Variants in NALCN observed in about 807,000 individuals in gnomAD.
NALCN encodes sodium leak channel, non-selective.
In NALCN, 111 loss-of-function variants were observed where a neutral mutation model predicts 225.3. The ratio of observed to expected loss-of-function variants is 0.49; its 90% CI spans 0.42 to 0.58. The LOEUF is 0.58. NALCN is among the 20% of genes least tolerant of loss of function. The probability of loss-of-function intolerance (pLI) is 0.00; values close to 1 mark genes in which losing one functional copy is unlikely to be tolerated. For missense variants in NALCN, 1,378 were observed against 2,202.4 expected, an observed-to-expected ratio of 0.63 and a Z score of 7.49; for synonymous variants, 764 against 769.0, an observed-to-expected ratio of 0.99 and a Z score of 0.11.
At chr13:101,186,850 G>A (rs974348477) in intron 14 of NALCN, among the ~76,000 whole-genome samples, 2 of 152,066 alleles carry the variant, frequency 1.3e-5, no homozygotes, top group Non-Finnish European at 2.9e-5. Flanking sequence ...AGACTTAAAG[G>A]TGAAAAGCAA....
At chr13:101,289,074 G>C (rs1387146751) in intron 9 of NALCN, among the ~76,000 whole-genome samples, 2 of 152,162 alleles carry the variant, frequency 1.3e-5, no homozygotes, top group African/African-American at 2.4e-5. Context: ...TTGTGGCCTG[G>C]GTAACCCTAT....
In NALCN at chr13:101,068,830, T is replaced by C; in HGVS notation, c.4198-3A>G. Reference sequence around the variant, plus strand: ...GGAGTACAAAACGGAGGCTGAACCTTTGGGGCATTGGGGTGGAAGAAGGAG... The same window carrying C: ...GGAGTACAAAACGGAGGCTGAACCTCTGGGGCATTGGGGTGGAAGAAGGAG... On this transcript the variant is annotated splice_region_variant and splice_polypyrimidine_tract_variant and intron_variant, in intron 37 of 43. Transcript: ENST00000251127. The C allele has an allele frequency of 6.2e-7, 1 of 1,600,776 alleles. No individual in the cohort carries two copies. Among genetic ancestry groups the C allele is most frequent in the Non-Finnish European group, 8.5e-7 (1 of 1,175,052 alleles).
intron 15 of NALCN, among the ~76,000 whole-genome samples, chr13:101,151,758 T>C (rs2037662354): frequency 1.3e-5 from 2 of 152,254 alleles, no homozygotes; most frequent in African/African-American, 2.4e-5. Flanking sequence ...AATTTGTATA[T>C]GTGATTTTAC....
At chr13:101,172,633 C>T (rs1354055947) in intron 15 of NALCN, among the ~76,000 whole-genome samples, 2 of 152,156 alleles carry the variant, frequency 1.3e-5, no homozygotes, top group Non-Finnish European at 2.9e-5. Context: ...CATCTTGGCT[C>T]ACTGCAAGCT....
At chr13:101,216,282 C>T (rs1470363039) in intron 13 of NALCN, among the ~76,000 whole-genome samples, 1 of 151,878 alleles carries the variant, frequency 6.6e-6, no homozygotes, top group East Asian at 1.9e-4. Flanking sequence ...CAGAATGAGA[C>T]CATATAAGGC....
chr13:101,076,370 C>A (rs998298496), intron 34 of NALCN, among the ~76,000 whole-genome samples: 16 of 152,174 alleles, frequency 1.1e-4, no homozygotes, highest in African/African-American at 3.9e-4. Context: ...GAAGAACAAA[C>A]ATACACTCAT....
chr13:101,410,571 A>C (rs1181674952), intron 1 of NALCN, among the ~76,000 whole-genome samples: 1 of 152,224 alleles, frequency 6.6e-6, no homozygotes, highest in Non-Finnish European at 1.5e-5. Flanking sequence ...AGGATAACTA[A>C]GATATTTGAG....
intron 12 of NALCN, among the ~76,000 whole-genome samples, chr13:101,236,036 A>G (rs1415951097): frequency 6.6e-6 from 1 of 152,218 alleles, no homozygotes; most frequent in East Asian, 1.9e-4. Context: ...AATATTTAAC[A>G]ATATCTATTT....
At chr13:101,222,784 CG>C (rs1252633493) in intron 13 of NALCN, among the ~76,000 whole-genome samples, 1 of 152,126 alleles carries the variant, frequency 6.6e-6, no homozygotes, top group East Asian at 1.9e-4. Context: ...TTGGAGGGAG[CG>C]GGGCTATCTC....
Position 101,065,499 on chromosome 13 carries a change from C to G in NALCN, c.4509G>C (p.Val1503=). ...ACAGGAGCTTGTCCTTGTCCAGGTC[C>G]ACCTCCAGCCTCCCACGCAGTAGCC... The part of the protein sequence containing the change: ...LLRLLRGRLE[V]DLDKDKLLFK... Residue 1503 remains valine (V), a synonymous_variant, in exon 40 of 44, where the codon GTG becomes GTC. Transcript: ENST00000251127. 6.2e-7 allele frequency: 1 copy of G among 1,614,174 alleles called. No homozygotes were observed. The highest frequency in any genetic ancestry group is 1.7e-5 in the Admixed American group (1 of 60,022).
intron 11 of NALCN, among the ~76,000 whole-genome samples, chr13:101,249,178 C>T (rs1377038042): frequency 6.6e-6 from 1 of 152,050 alleles, no homozygotes; most frequent in Non-Finnish European, 1.5e-5. Context: ...TATAAAAATC[C>T]TGAGAGAAAA....
intron 39 of NALCN, among the ~76,000 whole-genome samples, chr13:101,066,474 C>T (rs1371985437): frequency 6.6e-6 from 1 of 151,710 alleles, no homozygotes; most frequent in Non-Finnish European, 1.5e-5. Flanking sequence ...GCAACACAAA[C>T]CACCATGCCC....
At chr13:101,105,866 G>A (rs1005479860) in intron 22 of NALCN, among the ~76,000 whole-genome samples, 2 of 152,146 alleles carry the variant, frequency 1.3e-5, no homozygotes, top group African/African-American at 2.4e-5. Flanking sequence ...GTCCTCCTCT[G>A]TTGAAGGAGG....
intron 13 of NALCN, among the ~76,000 whole-genome samples, chr13:101,210,919 C>T (rs1338502113): frequency 6.6e-6 from 1 of 152,128 alleles, no homozygotes; most frequent in Non-Finnish European, 1.5e-5. Context: ...GAGAGACTGA[C>T]AATAGAGTCT....
intron 34 of NALCN, among the ~76,000 whole-genome samples, chr13:101,079,417 T>C (rs1364312335): frequency 3.3e-5 from 5 of 152,194 alleles, no homozygotes; most frequent in Non-Finnish European, 5.9e-5. Context: ...TATGTATCTA[T>C]CCTTCTTCCA....
chr13:101,143,307 C>G (rs2037186896), intron 16 of NALCN, 86 bp from the exon 17 acceptor site: 4 of 1,378,198 alleles, frequency 2.9e-6, no homozygotes, highest in South Asian at 3.1e-5. Context: ...TTTGCTTGAG[C>G]AAAGATAAAG....
At chr13:101,212,547 C>T (rs1029401540) in intron 13 of NALCN, among the ~76,000 whole-genome samples, 1 of 152,060 alleles carries the variant, frequency 6.6e-6, no homozygotes, top group Non-Finnish European at 1.5e-5. Flanking sequence ...AGCTGTGTTG[C>T]ATAAAGAATG....
chr13:101,182,514 T>C (rs2039281816), intron 14 of NALCN, among the ~76,000 whole-genome samples: 1 of 152,204 alleles, frequency 6.6e-6, no homozygotes, highest in Non-Finnish European at 1.5e-5. Flanking sequence ...AATATCTTTG[T>C]TTAGGCATCA....
intron 14 of NALCN, 108 bp from the exon 15 acceptor site, chr13:101,176,482 T>C: frequency 1.5e-6 from 1 of 663,262 alleles, no homozygotes; most frequent in Non-Finnish European, 2.2e-6. Flanking sequence ...ATTCATTAAA[T>C]GCAAAATAAA....
Sources: gnomAD v4.1 joint callset for allele counts (sites outside exome capture counted in the v4.1 genomes callset) on GRCh38, gnomAD v4.1.1 for gene constraint, MANE v1.5 for transcripts, NCBI Gene and HGNC (gene_info 2026-07-23, HGNC 2026-07-21) for gene names.